GMDS: variants seen among roughly 807,000 people sequenced by gnomAD.
GMDS encodes GDP-mannose 4,6 dehydratase.
Under a neutral mutation model 49.9 loss-of-function variants are expected in GMDS, and 20 were observed. The ratio of observed to expected loss-of-function variants is 0.40; its 90% CI spans 0.28 to 0.58. The LOEUF (loss-of-function observed/expected upper bound fraction) is 0.58. Ranked by LOEUF, GMDS falls within the 20% of genes least tolerant of loss-of-function variation. The pLI is 0.42. For synonymous variants in GMDS, 177 were observed against 178.6 expected, an observed-to-expected ratio of 0.99 and a Z score of 0.07; for missense variants, 362 against 481.4, an observed-to-expected ratio of 0.75 and a Z score of 2.32.
At chr6:2,114,681 C>T (rs1436552167) in intron 4 of GMDS, among the ~76,000 whole-genome samples, 1 of 152,134 alleles carries the variant, frequency 6.6e-6, no homozygotes, top group Non-Finnish European at 1.5e-5. Flanking sequence ...GATATGTAGC[C>T]ATCCTTCAAG....
chr6:1,753,233 G>C (rs772540523), intron 7 of GMDS, among the ~76,000 whole-genome samples: 2 of 151,860 alleles, frequency 1.3e-5, no homozygotes, highest in Non-Finnish European at 2.9e-5. Context: ...AAAAGCAGGG[G>C]GTGCAATCCT....
chr6:2,120,971 C>T (rs1056228626), intron 2 of GMDS, among the ~76,000 whole-genome samples: 5 of 152,356 alleles, frequency 3.3e-5, no homozygotes, highest in South Asian at 2.1e-4. Flanking sequence ...CACAGAGCTC[C>T]ATTGGGCTAA....
rs1768112649 is a variant in GMDS at position 1,760,418 on chromosome 6, C to G, written c.772-17832G>C. Among the ~76,000 whole-genome samples the G allele has an allele frequency of 2.0e-5, 3 of 152,128 alleles. No homozygotes were observed. The South Asian group carries it at 6.2e-4, about 32-fold the overall frequency. On this transcript the variant is annotated intron_variant, in intron 7 of 10. Coordinates refer to ENST00000380815, the MANE Select transcript of GMDS (RefSeq NM_001500.4). ...TCCAGTGGGGAAGATGGCCACTTGC[C>G]CAGCCAGCCACTAAAATGATGGGAG...
rs1003546094 is a variant in GMDS at position 2,169,706 on chromosome 6, T to C, written c.103-44975A>G. 4.6e-5 allele frequency among the ~76,000 whole-genome samples: 7 copies of C among 152,310 alleles called. No homozygotes were observed. In the East Asian group the frequency reaches 1.3e-3, roughly 29 times the overall value. ...GGCCATCAGAAGAATAACTTATTTT[T>C]CCCTTTGATTTCATAAAATATTTGC... On this transcript the variant is annotated intron_variant, in intron 1 of 10. Transcript: ENST00000380815.
chr6:1,990,603 G>A (rs1765872333), intron 4 of GMDS, among the ~76,000 whole-genome samples: 1 of 151,970 alleles, frequency 6.6e-6, no homozygotes, highest in Non-Finnish European at 1.5e-5. Context: ...GTTGAGACAG[G>A]GTCTCTTGTC....
intron 4 of GMDS, among the ~76,000 whole-genome samples, chr6:1,993,150 C>A (rs1766061420): frequency 6.6e-6 from 1 of 151,890 alleles, no homozygotes; most frequent in Non-Finnish European, 1.5e-5. Flanking sequence ...CTTGCCCCAG[C>A]CTTGCCCAGC....
At chr6:1,712,115 G>C (rs546673804) in intron 9 of GMDS, among the ~76,000 whole-genome samples, 1 of 152,354 alleles carries the variant, frequency 6.6e-6, no homozygotes, top group East Asian at 1.9e-4. Flanking sequence ...TTCAGATATA[G>C]AAGGTATAGA....
intron 4 of GMDS, among the ~76,000 whole-genome samples, chr6:1,992,600 T>C (rs984588095): frequency 6.6e-6 from 1 of 152,234 alleles, no homozygotes; most frequent in Non-Finnish European, 1.5e-5. Flanking sequence ...CACTCAAATG[T>C]TGCCTTCCAC....
chr6:2,058,782 C>T (rs1049325447), intron 4 of GMDS, among the ~76,000 whole-genome samples: 4 of 152,150 alleles, frequency 2.6e-5, no homozygotes, highest in Non-Finnish European at 2.9e-5. Context: ...CCAGACCTTC[C>T]GACCTCCGAT....
chr6:1,721,124 G>C (rs917708001), intron 9 of GMDS, among the ~76,000 whole-genome samples: 10 of 152,006 alleles, frequency 6.6e-5, no homozygotes, highest in Non-Finnish European at 1.3e-4. Flanking sequence ...CTATGAGATA[G>C]AGCAAGCAAT....
chr6:2,055,736 G>A (rs78416876), intron 4 of GMDS, among the ~76,000 whole-genome samples: 1,928 of 152,228 alleles, frequency 0.013, 44 homozygotes, highest in African/African-American at 0.044. Flanking sequence ...TATCAGGATA[G>A]TCAGTATAGC....
chr6:1,714,167 A>G (rs748113207), intron 9 of GMDS, among the ~76,000 whole-genome samples: 6 of 151,974 alleles, frequency 3.9e-5, no homozygotes, highest in Non-Finnish European at 7.4e-5. Context: ...ACAGGCGCCC[A>G]CCACCACGCC....
At chr6:1,800,630 T>C (rs1367553268) in intron 7 of GMDS, among the ~76,000 whole-genome samples, 1 of 141,086 alleles carries the variant, frequency 7.1e-6, no homozygotes, top group Admixed American at 7.0e-5. Flanking sequence ...TCTTTCTTTC[T>C]TTTTTTTTTT....
At chr6:2,030,605 A>G (rs1355437427) in intron 4 of GMDS, among the ~76,000 whole-genome samples, 2 of 152,192 alleles carry the variant, frequency 1.3e-5, no homozygotes, top group Non-Finnish European at 2.9e-5. Flanking sequence ...GATGAATGAC[A>G]TGTGCACACA....
intron 7 of GMDS, among the ~76,000 whole-genome samples, chr6:1,919,796 C>T (rs988520375): frequency 5.3e-5 from 8 of 152,198 alleles, no homozygotes; most frequent in East Asian, 1.9e-4. Context: ...TATTCTTACA[C>T]GAGATCTGGC....
intron 4 of GMDS, among the ~76,000 whole-genome samples, chr6:2,025,501 C>G (rs902505426): frequency 1.3e-5 from 2 of 151,106 alleles, no homozygotes; most frequent in African/African-American, 2.4e-5. Flanking sequence ...CATGCACACA[C>G]GCACACACAT....
At chr6:1,705,998 C>T (rs1183569053) in intron 9 of GMDS, among the ~76,000 whole-genome samples, 1 of 152,098 alleles carries the variant, frequency 6.6e-6, no homozygotes, top group Admixed American at 6.5e-5. Flanking sequence ...GAGTTGAATT[C>T]GTCATTGTGG....
At chr6:2,233,903 T>C (rs1781232417) in intron 1 of GMDS, among the ~76,000 whole-genome samples, 5 of 152,340 alleles carry the variant, frequency 3.3e-5, no homozygotes, top group African/African-American at 1.2e-4. Flanking sequence ...TAAAGTATGA[T>C]ACACTGCACA....
chr6:1,666,222 C>T (rs1207850040), intron 9 of GMDS, among the ~76,000 whole-genome samples: 3 of 152,208 alleles, frequency 2.0e-5, no homozygotes, highest in Non-Finnish European at 2.9e-5. Flanking sequence ...ATCCTAGAGA[C>T]GGGAGTCCTG....
Sources: gnomAD v4.1 joint callset for allele counts (sites outside exome capture counted in the v4.1 genomes callset) on GRCh38, gnomAD v4.1.1 for gene constraint, MANE v1.5 for transcripts, NCBI Gene and HGNC (gene_info 2026-07-23, HGNC 2026-07-21) for gene names.